TNR: variants seen among roughly 807,000 people sequenced by gnomAD.
TNR encodes the protein tenascin-R.
TNR carries 45 observed loss-of-function variants against 150.4 expected under a neutral mutation model. The ratio of observed to expected loss-of-function variants is 0.30; its 90% CI spans 0.24 to 0.38. The LOEUF (loss-of-function observed/expected upper bound fraction) is 0.38. Ranked by LOEUF, TNR falls within the 10% of genes least tolerant of loss-of-function variation. The pLI is 1.00. For synonymous variants in TNR, 687 were observed against 678.4 expected (o/e 1.01, Z -0.20); for missense variants, 1,544 against 1,759.1 (o/e 0.88, Z 2.19).
chr1:175,563,070 G>T (rs1431434751), intron 1 of TNR, among the ~76,000 whole-genome samples: 1 of 152,176 alleles, frequency 6.6e-6, no homozygotes, highest in African/African-American at 2.4e-5. Flanking sequence ...TCCATGAAAG[G>T]GTCTCTTGGG....
At chr1:175,706,283 G>A (rs1403880613) in intron 1 of TNR, among the ~76,000 whole-genome samples, 1 of 152,160 alleles carries the variant, frequency 6.6e-6, no homozygotes, top group Non-Finnish European at 1.5e-5. Flanking sequence ...AAGCCTGGGT[G>A]CAAAGGAGGA....
Position 175,421,628 on chromosome 1 carries a change from T to C in TNR, c.-63-14851A>G, listed in dbSNP as rs530541871. On this transcript the variant is annotated intron_variant, in intron 2 of 22. Coordinates refer to ENST00000367674, the MANE Select transcript of TNR (RefSeq NM_003285.3). ...AATGTGTCTAGAATGATCCAAACTT[T>C]TTATCTGTAAGATAAGTCTACAGTA... Among the ~76,000 whole-genome samples, 4 of 152,346 alleles carry C rather than the reference T, an allele frequency of 2.6e-5. No homozygotes were observed. In the East Asian group the frequency reaches 7.7e-4, roughly 29 times the overall value.
intron 1 of TNR, among the ~76,000 whole-genome samples, chr1:175,581,927 AATTAGAGAT>A (rs1432170062): frequency 6.6e-6 from 1 of 152,148 alleles, no homozygotes; most frequent in Non-Finnish European, 1.5e-5. Flanking sequence ...GAGAAGCCAG[AATTAGAGAT>A]ATTATCTCTG....
intron 2 of TNR, among the ~76,000 whole-genome samples, chr1:175,474,999 A>G (rs569596116): frequency 6.6e-6 from 1 of 152,326 alleles, no homozygotes; most frequent in Admixed American, 6.5e-5. Context: ...AATGTTCTCT[A>G]AATGTTTGTT....
At position 175,579,411 on chromosome 1, in the gene TNR, T is replaced by C. The variant is rs372428232; in HGVS notation, c.-164-51042A>G. Among the ~76,000 whole-genome samples, 77 of 152,028 alleles carry C rather than the reference T, an allele frequency of 5.1e-4. 1 individual carries two copies. Among genetic ancestry groups the C allele is most frequent in the African/African-American group, 1.8e-3 (75 of 41,500 alleles). On this transcript the variant is annotated intron_variant, in intron 1 of 22. Coordinates refer to ENST00000367674, the MANE Select transcript of TNR (RefSeq NM_003285.3). ...TGAGCATGGAGAGGGGCTTGAAGTATGAGCAGGTTCAATACGGAAGATAGG... is the reference window on the plus strand; with the variant it reads ...TGAGCATGGAGAGGGGCTTGAAGTACGAGCAGGTTCAATACGGAAGATAGG...
intron 18 of TNR, 77 bp from the exon 19 acceptor site, chr1:175,337,756 T>C (rs1571310897): frequency 5.3e-6 from 8 of 1,523,572 alleles, no homozygotes; most frequent in East Asian, 2.4e-5. Flanking sequence ...TCATAGAAGG[T>C]CTTAGCAGGC....
intron 2 of TNR, among the ~76,000 whole-genome samples, chr1:175,409,516 T>C (rs1321664312): frequency 1.3e-5 from 2 of 152,206 alleles, no homozygotes; most frequent in African/African-American, 4.8e-5. Flanking sequence ...AGTCGATAAC[T>C]AAACTTGCTA....
At chr1:175,372,512 C>T (rs1348021903) in intron 9 of TNR, among the ~76,000 whole-genome samples, 3 of 152,168 alleles carry the variant, frequency 2.0e-5, no homozygotes. Flanking sequence ...CAGAATGGGG[C>T]ATAATGAGCA....
intron 1 of TNR, among the ~76,000 whole-genome samples, chr1:175,538,153 C>T (rs1018351073): frequency 6.6e-6 from 1 of 152,140 alleles, no homozygotes; most frequent in African/African-American, 2.4e-5. Flanking sequence ...GTCCATTGGG[C>T]TGTGACCATG....
At chr1:175,355,091 C>T (rs1255427669) in intron 17 of TNR, among the ~76,000 whole-genome samples, 2 of 152,184 alleles carry the variant, frequency 1.3e-5, no homozygotes, top group Non-Finnish European at 2.9e-5. Flanking sequence ...GTATCCAGCT[C>T]ATGTTTGCTC....
intron 6 of TNR, among the ~76,000 whole-genome samples, chr1:175,392,255 C>G (rs192923329): frequency 1.3e-5 from 2 of 152,230 alleles, no homozygotes; most frequent in East Asian, 3.9e-4. Flanking sequence ...ATGGAGGAGA[C>G]AAGAGGGCCT....
chr1:175,425,530 C>T (rs1227064746), intron 2 of TNR, among the ~76,000 whole-genome samples: 1 of 152,110 alleles, frequency 6.6e-6, no homozygotes, highest in African/African-American at 2.4e-5. Flanking sequence ...ATATGACTCT[C>T]CTGGGTAATT....
intron 2 of TNR, among the ~76,000 whole-genome samples, chr1:175,488,474 G>A (rs1658106758): frequency 6.6e-6 from 1 of 152,196 alleles, no homozygotes; most frequent in African/African-American, 2.4e-5. Context: ...GAGGGGAATA[G>A]ATTCAATACA....
rs566133116 is a variant in TNR at position 175,349,400 on chromosome 1, G to T, written c.3382+4991C>A. On this transcript the variant is annotated intron_variant, in intron 18 of 22. Transcript: ENST00000367674. ...ATGGGTGCCCACCATGCAGTATTTTGCAACAATTAGAAGCAAAAGACTATA... is the reference window on the plus strand; with the variant it reads ...ATGGGTGCCCACCATGCAGTATTTTTCAACAATTAGAAGCAAAAGACTATA... Among the ~76,000 whole-genome samples the T allele has an allele frequency of 9.6e-4, 146 of 152,274 alleles. 1 individual carries two copies. The highest frequency in any genetic ancestry group is 6.8e-3 in the Middle Eastern group (2 of 294).
chr1:175,420,528 A>G (rs1400789796), intron 2 of TNR, among the ~76,000 whole-genome samples: 2 of 152,252 alleles, frequency 1.3e-5, no homozygotes, highest in East Asian at 3.8e-4. Flanking sequence ...TTCATGCTGT[A>G]GCAGAGAAGA....
intron 14 of TNR, among the ~76,000 whole-genome samples, chr1:175,361,164 C>T (rs573833448): frequency 2.7e-4 from 41 of 152,278 alleles, no homozygotes; most frequent in African/African-American, 8.2e-4. Context: ...TGGATTCAAG[C>T]GATCCTTCTG....
chr1:175,354,104 C>T (rs368650168), intron 18 of TNR, among the ~76,000 whole-genome samples: 19 of 152,252 alleles, frequency 1.2e-4, no homozygotes, highest in African/African-American at 3.6e-4. Context: ...TCTAGGCCCC[C>T]GAAGTGCTGG....
intron 21 of TNR, among the ~76,000 whole-genome samples, chr1:175,328,459 G>A (rs1025643964): frequency 2.6e-5 from 4 of 152,134 alleles, no homozygotes; most frequent in African/African-American, 9.7e-5. Flanking sequence ...AGGAGAACTG[G>A]GCAATATTAA....
chr1:175,602,455 C>G (rs1277752732), intron 1 of TNR, among the ~76,000 whole-genome samples: 1 of 152,190 alleles, frequency 6.6e-6, no homozygotes, highest in African/African-American at 2.4e-5. Context: ...ACCGTGAGAA[C>G]AGCTGGTCTG....
Sources: gnomAD v4.1 joint callset for allele counts (sites outside exome capture counted in the v4.1 genomes callset) on GRCh38, gnomAD v4.1.1 for gene constraint, MANE v1.5 for transcripts, NCBI Gene and HGNC (gene_info 2026-07-23, HGNC 2026-07-21) for gene names.